ACSF3: variants seen among roughly 807,000 people sequenced by gnomAD.
ACSF3 encodes the protein acyl-CoA synthetase family member 3.
In ACSF3, 78 loss-of-function variants were observed where a neutral mutation model predicts 53.2. That is an observed-to-expected ratio of 1.47 (90% CI 1.22 to 1.77). ACSF3 has a LOEUF of 1.77. Ranked by LOEUF, ACSF3 falls within the 40% of genes most tolerant of loss-of-function variation. The pLI, the probability that ACSF3 is intolerant of heterozygous loss-of-function variation, is 0.00. For synonymous variants in ACSF3, 414 were observed against 333.1 expected (o/e 1.24, Z -2.65); for missense variants, 937 against 771.1 (o/e 1.22, Z -2.55).
Position 89,145,416 on chromosome 16 carries a change from TTG to T in ACSF3, c.1501+16_1501+17del. ...CAGCATCACAGGTGCGTGGCCGGAC[TTG>T]GGCCAGGGAGGCCAGGCTAGACGGG... On this transcript the variant is annotated intron_variant, in intron 9 of 10. Transcript: ENST00000614302. The T allele has an allele frequency of 6.2e-7, 1 of 1,613,884 alleles. No individual in the cohort carries two copies. The highest frequency in any genetic ancestry group is 8.5e-7 in the Non-Finnish European group (1 of 1,179,996).
At chr16:89,095,505 G>A (rs1183612775) in intron 1 of ACSF3, among the ~76,000 whole-genome samples, 1 of 150,642 alleles carries the variant, frequency 6.6e-6, no homozygotes, top group Non-Finnish European at 1.5e-5. Context: ...AACGCATCCT[G>A]CCCCGCAGGC....
Position 89,120,829 on chromosome 16 carries a change from A to C in ACSF3, c.1155A>C (p.Val385=). 1.9e-6 allele frequency: 3 copies of C among 1,614,096 alleles called. No homozygotes were observed. Among genetic ancestry groups the C allele is most frequent in the Non-Finnish European group, 1.7e-6 (2 of 1,179,974 alleles). The stretch of plus-strand genomic sequence containing the variant: ...CCGTGGGGACCCCACTGCCTGGAGT[A>C]CAGGTGCGCATTGTCTCAGAAAACC... ...PGSVGTPLPG[V]QVRIVSENPQ... Residue 385 remains valine, a synonymous_variant, in exon 7 of 11, where the codon GTA becomes GTC. Transcript: ENST00000614302.
At chr16:89,152,883 G>T (rs1914264220) in intron 10 of ACSF3, 1 of 152,114 alleles carries the variant, frequency 6.6e-6, no homozygotes, top group South Asian at 2.1e-4. Context: ...GTCCTAGAAA[G>T]AAAAGAGAAA....
At chr16:89,129,895 C>G (rs564964189) in intron 7 of ACSF3, among the ~76,000 whole-genome samples, 84 of 152,314 alleles carry the variant, frequency 5.5e-4, no homozygotes, top group African/African-American at 1.9e-3. Flanking sequence ...GCCTCCACAT[C>G]GGTTACTTAC....
chr16:89,150,787 C>G, intron 10 of ACSF3: 1 of 363,456 alleles, frequency 2.8e-6, no homozygotes, highest in Non-Finnish European at 5.3e-6. Flanking sequence ...ACTTGCTGTA[C>G]CTGGCCCACA....
intron 4 of ACSF3, among the ~76,000 whole-genome samples, chr16:89,108,854 T>G (rs1164336905): frequency 6.6e-6 from 1 of 152,200 alleles, no homozygotes; most frequent in Admixed American, 6.5e-5. Flanking sequence ...CATATAAATC[T>G]CTGTAGACAT....
Position 89,126,684 on chromosome 16 carries a change from C to T in ACSF3, c.1239+5771C>T, listed in dbSNP as rs73254061. Among the ~76,000 whole-genome samples, 439 of 152,242 alleles carry T rather than the reference C, an allele frequency of 2.9e-3. 5 individuals are homozygous for T. Among genetic ancestry groups the T allele is most frequent in the African/African-American group, 0.01 (429 of 41,532 alleles). ...GTTGTTACCTTGCTAAATTAACTTA[C>T]TAGTTTTAGGAGATTTTAATAGACT... On this transcript the variant is annotated intron_variant, in intron 7 of 10. Coordinates refer to ENST00000614302, the MANE Select transcript of ACSF3 (RefSeq NM_001243279.3).
chr16:89,101,982 G>A lies in ACSF3; in HGVS notation c.667-622G>A, dbSNP rs539903079. ...AAGCGGCGCGCCTGTCGGGAGGGAC[G>A]GGCTCTGGACTCCTCTGTCCTTGCT... On this transcript the variant is annotated intron_variant, in intron 3 of 10. Coordinates refer to ENST00000614302, the MANE Select transcript of ACSF3 (RefSeq NM_001243279.3). Among the ~76,000 whole-genome samples, 7 of 152,230 alleles carry A rather than the reference G, an allele frequency of 4.6e-5. No individual in the cohort carries two copies. In the East Asian group the frequency reaches 7.7e-4, roughly 17 times the overall value.
At chr16:89,123,175 C>T (rs908097115) in intron 7 of ACSF3, among the ~76,000 whole-genome samples, 3 of 152,170 alleles carry the variant, frequency 2.0e-5, no homozygotes, top group Non-Finnish European at 1.5e-5. Flanking sequence ...CACCAGGGGC[C>T]AAGACCCTTC....
In ACSF3 at chr16:89,123,229, C is replaced by T. The variant is rs566806972; in HGVS notation, c.1239+2316C>T. Among the ~76,000 whole-genome samples, 20 of 152,246 alleles carry T rather than the reference C, an allele frequency of 1.3e-4. No homozygotes were observed. The East Asian group carries it at 3.7e-3, about 28-fold the overall frequency. ...TGAGGGCCTCAGGGTTTGTGCCCTC[C>T]GACACCTGAGATTCAGGGCTCCCAG... is the stretch of plus-strand genomic sequence containing the variant. On this transcript the variant is annotated intron_variant, in intron 7 of 10. Coordinates refer to ENST00000614302, the MANE Select transcript of ACSF3 (RefSeq NM_001243279.3).
chr16:89,100,771 T>G lies in ACSF3; in HGVS notation c.90T>G (p.Gly30=). 6.2e-7 allele frequency: 1 copy of G among 1,609,930 alleles called. No homozygotes were observed. The highest frequency in any genetic ancestry group is 8.5e-7 in the Non-Finnish European group (1 of 1,179,902). ...CGCCTGCGAGACACAGAGGAAGTGG[T>G]CTTCTGCACACAGCCCCAGTGGCCC... The part of the protein sequence containing the change: ...RLAPARHRGS[G]LLHTAPVARS... The change falls in exon 3 of 11, where the codon GGT becomes GGG. Residue 30 remains glycine (G), a synonymous_variant. Transcript: ENST00000614302.
intron 1 of ACSF3, among the ~76,000 whole-genome samples, chr16:89,097,909 C>T (rs1033336910): frequency 6.6e-6 from 1 of 152,276 alleles, no homozygotes; most frequent in Admixed American, 6.5e-5. Flanking sequence ...CAGGGCCCTG[C>T]GTGGCTCGTT....
At chr16:89,123,122 C>T (rs958665929) in intron 7 of ACSF3, among the ~76,000 whole-genome samples, 3 of 152,148 alleles carry the variant, frequency 2.0e-5, no homozygotes, top group Non-Finnish European at 2.9e-5. Flanking sequence ...GCCAAGGAGT[C>T]GGTGCAGCAG....
At chr16:89,134,327 C>T (rs752223298) in intron 8 of ACSF3, among the ~76,000 whole-genome samples, 4 of 152,186 alleles carry the variant, frequency 2.6e-5, no homozygotes, top group Non-Finnish European at 5.9e-5. Context: ...CCATGGAACC[C>T]AGTGACTAGT....
At chr16:89,103,350 G>A (rs1975592579) in intron 4 of ACSF3, among the ~76,000 whole-genome samples, 1 of 152,252 alleles carries the variant, frequency 6.6e-6, no homozygotes, top group African/African-American at 2.4e-5. Flanking sequence ...GCTGATGCTG[G>A]GTGTGGTAGG....
At chr16:89,110,268 G>C (rs1976531943) in intron 4 of ACSF3, among the ~76,000 whole-genome samples, 1 of 152,148 alleles carries the variant, frequency 6.6e-6, no homozygotes, top group Non-Finnish European at 1.5e-5. Context: ...TTTCTTAGAA[G>C]TTTTCTAGTT....
At chr16:89,132,528 C>T (rs1224623938) in intron 7 of ACSF3, among the ~76,000 whole-genome samples, 2 of 152,214 alleles carry the variant, frequency 1.3e-5, no homozygotes, top group Non-Finnish European at 2.9e-5. Flanking sequence ...GCTGTGTTTC[C>T]TGGGGCCATG....
chr16:89,107,052 A>G (rs1012743178), intron 4 of ACSF3, among the ~76,000 whole-genome samples: 2 of 152,248 alleles, frequency 1.3e-5, no homozygotes, highest in Admixed American at 6.5e-5. Flanking sequence ...GAGGGCTGCC[A>G]TCTGGCAGGG....
rs531823925 is a variant in ACSF3 at position 89,154,101 on chromosome 16, C to A, written c.1625C>A (p.Ala542Asp). The change falls in exon 11 of 11, where the codon GCC becomes GAC. Residue 542 changes from alanine (A) to aspartate (D), a missense_variant. By Grantham distance (126) the Ala-to-Asp change is moderately radical (BLOSUM62 -2). Transcript: ENST00000614302. The part of the protein sequence containing the change: ...ELKEWARNVL[A>D]PYAVPSELVL... ...GCTTGTCTCTGCAGAAATGTCCTGG[C>A]CCCGTACGCGGTGCCCTCGGAGCTG... The A allele has an allele frequency of 6.2e-7, 1 of 1,612,762 alleles. No individual in the cohort carries two copies. The highest frequency in any genetic ancestry group is 1.7e-5 in the Admixed American group (1 of 59,870).
Sources: gnomAD v4.1 joint callset for allele counts (sites outside exome capture counted in the v4.1 genomes callset) on GRCh38, gnomAD v4.1.1 for gene constraint, MANE v1.5 for transcripts, NCBI Gene and HGNC (gene_info 2026-07-23, HGNC 2026-07-21) for gene names.